PLEKHO1: variants seen among roughly 807,000 people sequenced by gnomAD.
PLEKHO1 encodes the protein pleckstrin homology domain-containing family O member 1.
In PLEKHO1, 22 loss-of-function variants were observed where a neutral mutation model predicts 41.4. That is an observed-to-expected ratio of 0.53 (90% confidence interval 0.38 to 0.76). PLEKHO1 has a LOEUF of 0.76. PLEKHO1 is among the 30% of genes least tolerant of loss of function. The probability of loss-of-function intolerance (pLI) is 0.00; values close to 1 mark genes in which losing one functional copy is unlikely to be tolerated. For synonymous variants in PLEKHO1, 225 were observed against 210.8 expected (o/e 1.07, Z -0.58); for missense variants, 488 against 518.3 (o/e 0.94, Z 0.57).
At chr1:150,154,014 C>G (rs1407977852) in intron 2 of PLEKHO1, 3 of 152,314 alleles carry the variant, frequency 2.0e-5, no homozygotes, top group Non-Finnish European at 2.9e-5. Flanking sequence ...CTCACCCCAT[C>G]TCCCACCCTC....
rs782641113 is a variant in PLEKHO1 at position 150,150,902 on chromosome 1, C to T, written c.31-10C>T. ...CCTAACCGCCCGCTTCTCATCTTGT[C>T]CTGGGGCAGGGACCTCAGGATGGAA... On this transcript the variant is annotated splice_polypyrimidine_tract_variant and intron_variant, in intron 1 of 5. Transcript: ENST00000369124. 6 of 1,613,136 alleles carry T rather than the reference C, an allele frequency of 3.7e-6. No individual in the cohort carries two copies. Among genetic ancestry groups the T allele is most frequent in the South Asian group, 1.1e-5 (1 of 91,054 alleles).
intron 5 of PLEKHO1, among the ~76,000 whole-genome samples, chr1:150,158,599 G>T (rs1660274968): frequency 6.6e-6 from 1 of 152,192 alleles, no homozygotes; most frequent in Non-Finnish European, 1.5e-5. Context: ...TGAGGCAGGA[G>T]AATGGCGTGA....
chr1:150,158,704 C>T (rs1553820980), intron 5 of PLEKHO1, 115 bp from the exon 6 acceptor site: 3 of 754,636 alleles, frequency 4.0e-6, no homozygotes, highest in African/African-American at 3.5e-5. Context: ...AAAAGTACTT[C>T]TCATTCAAGG....
Position 150,156,207 on chromosome 1 carries a change from G to GT in PLEKHO1, c.318+2dup. On this transcript the variant is annotated splice_donor_variant, in intron 3 of 5. Coordinates refer to ENST00000369124, the MANE Select transcript of PLEKHO1 (RefSeq NM_016274.6). LOFTEE classifies it high-confidence loss of function. ...CCACTCCAAACAGCCCGGTAACACG[G>GT]TATGTTTCTCCTGCCACCTTGGCTG... The GT allele has an allele frequency of 5.0e-6, 8 of 1,613,020 alleles. No homozygotes were observed. The highest frequency in any genetic ancestry group is 6.8e-6 in the Non-Finnish European group (8 of 1,179,462).
Position 150,158,828 on chromosome 1 carries a change from T to C in PLEKHO1, c.535T>C (p.Ser179Pro). The change falls in exon 6 of 6, where the codon TCT becomes CCT. Residue 179 changes from serine (S) to proline (P), a missense_variant. By Grantham distance (74) the Ser-to-Pro change is moderately conservative. Around this residue, in one of 3 missense-constraint regions of PLEKHO1, gnomAD observed 337 missense variants for 324.6 expected, o/e 1.04. Transcript: ENST00000369124. ...CCCCCTTCCTCCACAGGCTTCCACCTCTACCTCGGATGGGATGCTGACCTT... is the reference window on the plus strand; with the variant it reads ...CCCCCTTCCTCCACAGGCTTCCACCCCTACCTCGGATGGGATGCTGACCTT... The part of the protein sequence containing the change: ...RGHLMAVAST[S>P]TSDGMLTLDL... 1 of 1,602,276 alleles carries C rather than the reference T, an allele frequency of 6.2e-7. No individual in the cohort carries two copies. Among genetic ancestry groups the C allele is most frequent in the Non-Finnish European group, 8.5e-7 (1 of 1,170,678 alleles).
intron 5 of PLEKHO1, among the ~76,000 whole-genome samples, chr1:150,158,085 C>G (rs762095663): frequency 6.4e-4 from 97 of 152,288 alleles, no homozygotes; most frequent in Non-Finnish European, 1.2e-3. Flanking sequence ...GTATTGAATA[C>G]TCATCATTTT....
intron 1 of PLEKHO1, 149 bp from the exon 2 acceptor site, chr1:150,150,763 A>G: frequency 1.6e-6 from 1 of 644,212 alleles, no homozygotes; most frequent in Non-Finnish European, 2.7e-6. Flanking sequence ...AACCTTTCCG[A>G]AGTGGGAGCG....
chr1:150,159,141 C>T lies in PLEKHO1; in HGVS notation c.848C>T (p.Ser283Phe). 2 of 1,611,776 alleles carry T rather than the reference C, an allele frequency of 1.2e-6. No homozygotes were observed. Among genetic ancestry groups the T allele is most frequent in the Non-Finnish European group, 1.7e-6 (2 of 1,179,048 alleles). Residue 283 changes from serine to phenylalanine, a missense_variant, in exon 6 of 6, where the codon TCT becomes TTT. Ser to Phe is a radical substitution (Grantham distance 155). Coordinates refer to ENST00000369124, the MANE Select transcript of PLEKHO1 (RefSeq NM_016274.6). ...EEILSQRDAA[S>F]ARTLQLRAEE... The stretch of plus-strand genomic sequence containing the variant: ...ATCCTATCTCAGCGGGATGCTGCCT[C>T]TGCCCGCACCCTCCAGCTGCGGGCT...
rs782544075 is a variant in PLEKHO1 at position 150,159,564 on chromosome 1, C to G, written c.*41C>G. Reference sequence around the variant, plus strand: ...TGGAACTTGTCGGGTTGGACAGACTCTTATCTCCGTGTTGCTGGATAAAGC... The same window carrying G: ...TGGAACTTGTCGGGTTGGACAGACTGTTATCTCCGTGTTGCTGGATAAAGC... On this transcript the variant is annotated 3_prime_UTR_variant, in exon 6 of 6. Coordinates refer to ENST00000369124, the MANE Select transcript of PLEKHO1 (RefSeq NM_016274.6). 7.6e-7 allele frequency: 1 copy of G among 1,307,738 alleles called. No individual in the cohort carries two copies. The highest frequency in any genetic ancestry group is 2.4e-5 in the East Asian group (1 of 42,104). 81.0% of individuals were successfully genotyped at this position (1,307,738 alleles called of 1,614,324 possible).
At chr1:150,158,581 C>A (rs908914939) in intron 5 of PLEKHO1, among the ~76,000 whole-genome samples, 1 of 151,894 alleles carries the variant, frequency 6.6e-6, no homozygotes, top group Non-Finnish European at 1.5e-5. Context: ...CCCAGCTACT[C>A]GGGAGGCTGA....
chr1:150,158,336 C>G (rs1171511006), intron 5 of PLEKHO1, among the ~76,000 whole-genome samples: 1 of 152,106 alleles, frequency 6.6e-6, no homozygotes, highest in Non-Finnish European at 1.5e-5. Context: ...AAGAAACATT[C>G]AAGTCACTAT....
chr1:150,152,108 G>A (rs1348452236), intron 2 of PLEKHO1, among the ~76,000 whole-genome samples: 1 of 152,066 alleles, frequency 6.6e-6, no homozygotes, highest in Non-Finnish European at 1.5e-5. Flanking sequence ...TTATTCAGTA[G>A]ATTATATTTA....
In PLEKHO1 at chr1:150,150,657, A is replaced by G. The variant is rs116378235; in HGVS notation, c.31-255A>G. 1,607 of 463,186 alleles carry G rather than the reference A, an allele frequency of 3.5e-3. 23 individuals are homozygous for G. Among genetic ancestry groups the G allele is most frequent in the African/African-American group, 0.031 (1,498 of 48,946 alleles). The allele number at this position is 463,186 out of a possible 1,614,324, so 28.7% of individuals were successfully genotyped here. ...GCGCAGGGCCTGGAGGGAACCTGGGAGCCTCTCCGCGCCCGGCCGGCGCCC... is the reference window on the plus strand; with the variant it reads ...GCGCAGGGCCTGGAGGGAACCTGGGGGCCTCTCCGCGCCCGGCCGGCGCCC... On this transcript the variant is annotated intron_variant, in intron 1 of 5. Transcript: ENST00000369124.
intron 5 of PLEKHO1, among the ~76,000 whole-genome samples, chr1:150,158,581 C>T (rs908914939): frequency 3.3e-5 from 5 of 151,894 alleles, no homozygotes; most frequent in East Asian, 1.9e-4. Flanking sequence ...CCCAGCTACT[C>T]GGGAGGCTGA....
chr1:150,152,744 G>T (rs1030396247), intron 2 of PLEKHO1: 1 of 131,084 alleles, frequency 7.6e-6, no homozygotes, highest in Non-Finnish European at 1.6e-5. Context: ...TGTCTTCCCC[G>T]AACTTCTTAA....
intron 1 of PLEKHO1, 39 bp from the exon 2 acceptor site, chr1:150,150,873 A>G (rs782096795): frequency 1.3e-6 from 2 of 1,599,374 alleles, no homozygotes; most frequent in East Asian, 2.2e-5. Context: ...GCCGGCTGGA[A>G]TCTCCTAACC....
At chr1:150,152,570 T>TGGGATTACA (rs1435612972) in intron 2 of PLEKHO1, among the ~76,000 whole-genome samples, 2 of 144,666 alleles carry the variant, frequency 1.4e-5, no homozygotes, top group East Asian at 3.9e-4. Context: ...CCCAAAGTGC[T>TGGGATTACA]GGGATTACAG....
At chr1:150,153,664 A>G (rs1660049355) in intron 2 of PLEKHO1, 2 of 152,138 alleles carry the variant, frequency 1.3e-5, no homozygotes. Context: ...GATAGTAATC[A>G]TTTTCTTCCT....
intron 3 of PLEKHO1, among the ~76,000 whole-genome samples, chr1:150,156,537 C>G (rs587732982): frequency 7.2e-5 from 11 of 152,298 alleles, no homozygotes; most frequent in African/African-American, 2.4e-4. Context: ...GGTTGAAGTT[C>G]TGAATCTAAT....
Sources: gnomAD v4.1 joint callset for allele counts (sites outside exome capture counted in the v4.1 genomes callset) on GRCh38, gnomAD v4.1.1 for gene constraint, gnomAD v4.1.1 regional missense constraint, MANE v1.5 for transcripts, NCBI Gene and HGNC (gene_info 2026-07-23, HGNC 2026-07-21) for gene names.